The following L3MBTL4 variants were observed in gnomAD, a reference collection of about 807,000 sequenced individuals.
L3MBTL4 encodes the protein lethal(3)malignant brain tumor-like protein 4.
In L3MBTL4, 70 loss-of-function variants were observed where a neutral mutation model predicts 84.5. The ratio of observed to expected loss-of-function variants is 0.83; its 90% CI spans 0.68 to 1.01. The LOEUF (loss-of-function observed/expected upper bound fraction) is 1.01, where lower values mean the gene tolerates loss of function less well. Ranked by LOEUF, L3MBTL4 falls within the 50% of genes least tolerant of loss-of-function variation. The pLI is 0.00. For missense variants in L3MBTL4, 715 were observed against 754.8 expected (o/e 0.95, Z 0.62); for synonymous variants, 274 against 259.8 (o/e 1.05, Z -0.52).
intron 1 of L3MBTL4, among the ~76,000 whole-genome samples, chr18:6,392,445 A>G (rs2055096186): frequency 6.6e-6 from 1 of 152,208 alleles, no homozygotes; most frequent in African/African-American, 2.4e-5. Context: ...GCTACTCAGG[A>G]GGCTGAGGCA....
chr18:6,209,293 A>G (rs2045999381), intron 12 of L3MBTL4, among the ~76,000 whole-genome samples: 1 of 152,166 alleles, frequency 6.6e-6, no homozygotes, highest in Non-Finnish European at 1.5e-5. Context: ...TTGCACTGCT[A>G]CATCCACTAC....
intron 16 of L3MBTL4, among the ~76,000 whole-genome samples, chr18:6,057,037 C>T (rs1258285306): frequency 6.9e-6 from 1 of 145,316 alleles, no homozygotes; most frequent in East Asian, 2.0e-4. Flanking sequence ...CTTTCTTTTT[C>T]TTTTTTTTTT....
intron 16 of L3MBTL4, among the ~76,000 whole-genome samples, chr18:6,027,817 G>C (rs952878633): frequency 1.3e-5 from 2 of 152,116 alleles, no homozygotes; most frequent in Non-Finnish European, 2.9e-5. Context: ...TATGTTTGTT[G>C]TCCGCAGAAA....
intron 4 of L3MBTL4, among the ~76,000 whole-genome samples, chr18:6,267,351 T>C (rs77270062): frequency 0.013 from 1,920 of 152,344 alleles, 38 homozygotes; most frequent in African/African-American, 0.043. Flanking sequence ...TTGGAAATAC[T>C]GAGACGTCAT....
intron 12 of L3MBTL4, among the ~76,000 whole-genome samples, chr18:6,183,624 A>G (rs1465546251): frequency 6.6e-6 from 1 of 152,258 alleles, no homozygotes. Context: ...TTTACAATAA[A>G]GAAGACATAG....
chr18:6,314,081 GATA>G (rs1470694916), intron 1 of L3MBTL4, among the ~76,000 whole-genome samples: 1 of 136,966 alleles, frequency 7.3e-6, no homozygotes. Flanking sequence ...TAGATAGATA[GATA>G]GTCTAACACA....
chr18:6,262,453 C>G (rs965288398), intron 5 of L3MBTL4, among the ~76,000 whole-genome samples: 1 of 152,304 alleles, frequency 6.6e-6, no homozygotes, highest in Non-Finnish European at 1.5e-5. Context: ...ATGGAAGAAA[C>G]CCCCTAAGTC....
At chr18:6,030,331 G>A in intron 16 of L3MBTL4, 1 of 984,488 alleles carries the variant, frequency 1.0e-6, no homozygotes, top group Admixed American at 6.2e-5. Context: ...CAAAATTCTG[G>A]GTGATAGAAC....
chr18:6,121,878 G>A (rs184765621), intron 14 of L3MBTL4, among the ~76,000 whole-genome samples: 6 of 152,216 alleles, frequency 3.9e-5, no homozygotes, highest in Admixed American at 6.5e-5. Context: ...AGGTTTGTGC[G>A]TCATTTAGGA....
chr18:6,127,700 C>T (rs976805358), intron 14 of L3MBTL4, among the ~76,000 whole-genome samples: 2 of 152,196 alleles, frequency 1.3e-5, no homozygotes, highest in African/African-American at 4.8e-5. Flanking sequence ...AGCCAAGAGT[C>T]TGCAGATAGA....
At chr18:5,962,063 G>T (rs522442) in intron 17 of L3MBTL4, among the ~76,000 whole-genome samples, 100,051 of 151,978 alleles carry the variant, frequency 0.66, 34,954 homozygotes, top group East Asian at 0.93. Context: ...GGGAGCTGGT[G>T]GTGCTTGAAT....
chr18:5,970,673 A>G (rs540150535), intron 16 of L3MBTL4, among the ~76,000 whole-genome samples: 2 of 152,364 alleles, frequency 1.3e-5, no homozygotes, highest in African/African-American at 2.4e-5. Context: ...TCTACCTTTT[A>G]TAATGCAAAG....
chr18:6,145,176 A>G (rs2042595497), intron 13 of L3MBTL4, among the ~76,000 whole-genome samples: 1 of 152,224 alleles, frequency 6.6e-6, no homozygotes, highest in Non-Finnish European at 1.5e-5. Context: ...CAAGGCAAAA[A>G]TCGAGAAATA....
intron 1 of L3MBTL4, among the ~76,000 whole-genome samples, chr18:6,381,920 G>C (rs2054609564): frequency 6.6e-6 from 1 of 152,210 alleles, no homozygotes; most frequent in Admixed American, 6.5e-5. Flanking sequence ...AATATCCTGA[G>C]AGTGTTTTCC....
intron 1 of L3MBTL4, among the ~76,000 whole-genome samples, chr18:6,338,195 G>T (rs551260724): frequency 6.6e-6 from 1 of 151,888 alleles, no homozygotes; most frequent in Non-Finnish European, 1.5e-5. Context: ...GGAGGAGGAG[G>T]AAGAGAGAAG....
intron 1 of L3MBTL4, among the ~76,000 whole-genome samples, chr18:6,365,796 T>G (rs1490501922): frequency 2.0e-5 from 3 of 152,248 alleles, no homozygotes; most frequent in Admixed American, 6.5e-5. Context: ...AAATTATCAC[T>G]AGTTCTTCAA....
At chr18:6,225,497 CACCT>C (rs900261854) in intron 10 of L3MBTL4, among the ~76,000 whole-genome samples, 2 of 152,186 alleles carry the variant, frequency 1.3e-5, no homozygotes, top group African/African-American at 4.8e-5. Context: ...CAGTGGCTTA[CACCT>C]ATAATCCCAG....
chr18:6,054,902 C>T (rs1311822523), intron 16 of L3MBTL4, among the ~76,000 whole-genome samples: 1 of 152,222 alleles, frequency 6.6e-6, no homozygotes, highest in Non-Finnish European at 1.5e-5. Context: ...TTTTCCCTTT[C>T]CCTGAAGCTC....
chr18:6,109,913 A>T (rs2059136644), intron 14 of L3MBTL4, among the ~76,000 whole-genome samples: 1 of 147,184 alleles, frequency 6.8e-6, no homozygotes, highest in Non-Finnish European at 1.5e-5. Context: ...GCACTGAGTC[A>T]TCTGTCAGCC....
Sources: allele counts gnomAD v4.1 joint callset (sites outside exome capture counted in the v4.1 genomes callset), GRCh38; gene constraint gnomAD v4.1.1; transcripts MANE v1.5; gene names NCBI Gene and HGNC (gene_info 2026-07-23, HGNC 2026-07-21).